DGKD: variants seen among roughly 807,000 people sequenced by gnomAD.
The protein encoded by DGKD is DAG kinase delta.
A neutral mutation model predicts 154.4 loss-of-function variants in DGKD; 68 were observed. The observed-to-expected ratio is 0.44, with a 90% confidence interval of 0.36 to 0.54. The LOEUF is 0.54. DGKD is among the 20% of genes least tolerant of loss of function. DGKD has a pLI of 0.00. For missense variants in DGKD, 1,343 were observed against 1,593.6 expected, an observed-to-expected ratio of 0.84 and a Z score of 2.68; for synonymous variants, 693 against 638.0, an observed-to-expected ratio of 1.09 and a Z score of -1.30.
Position 233,432,532 on chromosome 2 carries a change from G to C in DGKD, c.349-1848G>C, listed in dbSNP as rs188506383. 1.9e-3 allele frequency among the ~76,000 whole-genome samples: 286 copies of C among 152,246 alleles called. 2 individuals are homozygous for C. Among genetic ancestry groups the C allele is most frequent in the Non-Finnish European group, 1.6e-3 (107 of 68,010 alleles). On this transcript the variant is annotated intron_variant, in intron 3 of 29. Coordinates refer to ENST00000264057, the MANE Select transcript of DGKD (RefSeq NM_152879.3). ...AAATTAGCTGGGTGTGGTGGCGGGC[G>C]CCTGTAGTCCCAGCTACTCGGGAGG...
intron 18 of DGKD, chr2:233,454,359 A>G: frequency 2.1e-6 from 1 of 467,180 alleles, no homozygotes; most frequent in Non-Finnish European, 4.4e-6. Context: ...TGAGGAAGAG[A>G]AAGGAGCCAG....
At chr2:233,364,042 A>G (rs55804614) in intron 1 of DGKD, among the ~76,000 whole-genome samples, 17,030 of 152,238 alleles carry the variant, frequency 0.11, 1,087 homozygotes, top group African/African-American at 0.16. Context: ...GTGAGTCGAG[A>G]TCACACCACT....
intron 9 of DGKD, among the ~76,000 whole-genome samples, chr2:233,439,800 G>GC (rs1422119302): frequency 6.6e-6 from 1 of 151,976 alleles, no homozygotes; most frequent in Non-Finnish European, 1.5e-5. Flanking sequence ...TCACTGTGTT[G>GC]TCCAGGTTGG....
intron 3 of DGKD, among the ~76,000 whole-genome samples, chr2:233,391,111 T>C (rs1703576585): frequency 6.6e-6 from 1 of 152,226 alleles, no homozygotes; most frequent in African/African-American, 2.4e-5. Flanking sequence ...CAGACAAGTA[T>C]GTTAAAGCAA....
intron 3 of DGKD, among the ~76,000 whole-genome samples, chr2:233,413,811 G>A (rs1399204670): frequency 6.6e-6 from 1 of 152,188 alleles, no homozygotes; most frequent in Non-Finnish European, 1.5e-5. Flanking sequence ...CCCAGCACTG[G>A]TACACAGACC....
chr2:233,439,494 T>A (rs565819466), intron 9 of DGKD, among the ~76,000 whole-genome samples: 1 of 152,258 alleles, frequency 6.6e-6, no homozygotes, highest in African/African-American at 2.4e-5. Flanking sequence ...ACATTTTCTG[T>A]AGAAAGACTT....
intron 3 of DGKD, among the ~76,000 whole-genome samples, chr2:233,405,169 T>G (rs1255826588): frequency 6.6e-6 from 1 of 152,210 alleles, no homozygotes; most frequent in Non-Finnish European, 1.5e-5. Context: ...TCCTCCAAAG[T>G]TCATGTGTTG....
intron 3 of DGKD, among the ~76,000 whole-genome samples, chr2:233,394,534 G>T (rs1026726162): frequency 1.3e-5 from 2 of 151,850 alleles, no homozygotes; most frequent in African/African-American, 4.8e-5. Context: ...GATCTTTTTC[G>T]CAATGAGTAG....
At chr2:233,464,427 C>A in intron 27 of DGKD, 144 bp downstream of exon 27, 1 of 1,024,210 alleles carries the variant, frequency 9.8e-7, no homozygotes, top group Non-Finnish European at 1.4e-6. Flanking sequence ...CCAGACTTCG[C>A]TATTAAAATG....
Position 233,467,146 on chromosome 2 carries a change from T to C in DGKD, c.3367T>C (p.Phe1123Leu), listed in dbSNP as rs752182598. ...RSGKFRLVTK[F>L]KKEKNNKNKE... The stretch of plus-strand genomic sequence containing the variant: ...TGGTAAATTCCGCCTCGTGACCAAG[T>C]TTAAAAAGGAGAAAAACAACAAGAA... The change falls in exon 28 of 30, where the codon TTT becomes CTT. Residue 1123 changes from phenylalanine (F) to leucine (L), a missense_variant. This residue lies in a region of DGKD where 429 missense variants were observed against 496.3 expected (regional missense o/e 0.86). Coordinates refer to ENST00000264057, the MANE Select transcript of DGKD (RefSeq NM_152879.3). 1.2e-6 allele frequency: 2 copies of C among 1,614,042 alleles called. No homozygotes were observed. Among genetic ancestry groups the C allele is most frequent in the Admixed American group, 3.3e-5 (2 of 59,998 alleles).
chr2:233,453,553 C>T (rs2063355749), intron 18 of DGKD, among the ~76,000 whole-genome samples: 1 of 152,274 alleles, frequency 6.6e-6, no homozygotes, highest in Non-Finnish European at 1.5e-5. Flanking sequence ...GATCTGGCGG[C>T]ACTGGCTCAG....
At chr2:233,387,342 C>G (rs1310947756) in intron 1 of DGKD, among the ~76,000 whole-genome samples, 1 of 152,168 alleles carries the variant, frequency 6.6e-6, no homozygotes, top group Non-Finnish European at 1.5e-5. Flanking sequence ...TGCTGAGGCT[C>G]CTTGTGGACT....
intron 6 of DGKD, 26 bp downstream of exon 6, chr2:233,435,950 G>A (rs2062678224): frequency 6.3e-7 from 1 of 1,577,994 alleles, no homozygotes; most frequent in Non-Finnish European, 8.6e-7. Context: ...CCACCTGTGG[G>A]GCCCTGAGCC....
chr2:233,397,569 GGGACCAGAGTGGCTGGCAGAGGCCAGAGT>G, intron 3 of DGKD, among the ~76,000 whole-genome samples: 1 of 151,402 alleles, frequency 6.6e-6, no homozygotes, highest in African/African-American at 2.4e-5. Flanking sequence ...GACACCAGAG[GGGACCAGAGTGGCTGGCAGAGGCCAGAGT>G]GAGAGGACTC....
At chr2:233,447,462 G>A (rs998692308) in intron 12 of DGKD, 5 of 984,680 alleles carry the variant, frequency 5.1e-6, no homozygotes, top group Admixed American at 1.2e-4. Context: ...ATGTGCCTGG[G>A]CCCACGGCCT....
intron 10 of DGKD, among the ~76,000 whole-genome samples, chr2:233,444,151 C>T (rs1028293817): frequency 1.3e-5 from 2 of 152,168 alleles, no homozygotes; most frequent in African/African-American, 4.8e-5. Context: ...GAGTTTCCAA[C>T]ACTACACCAC....
At position 233,469,649 on chromosome 2, in the gene DGKD, T is replaced by G. The variant is rs1158458358; in HGVS notation, c.*189T>G. On this transcript the variant is annotated 3_prime_UTR_variant, in exon 30 of 30. Coordinates refer to ENST00000264057, the MANE Select transcript of DGKD (RefSeq NM_152879.3). ...TCCGTGACACCGTCCACCAGAGCTCTGGGGTCTCGAACATAACAACACAGC... is the reference window on the plus strand; with the variant it reads ...TCCGTGACACCGTCCACCAGAGCTCGGGGGTCTCGAACATAACAACACAGC... 5.0e-6 allele frequency: 3 copies of G among 595,832 alleles called. No individual in the cohort carries two copies. The East Asian group carries it at 8.3e-5, about 17-fold the overall frequency. 36.9% of individuals were successfully genotyped at this position (595,832 alleles called of 1,614,324 possible).
chr2:233,451,995 C>G lies in DGKD; in HGVS notation c.2199C>G (p.Pro733=). Residue 733 remains proline, a synonymous_variant, in exon 18 of 30, where the codon CCC becomes CCG. Coordinates refer to ENST00000264057, the MANE Select transcript of DGKD (RefSeq NM_152879.3). ...NVRAGMSGSL[P]GGSVISRLLI... ...GGGCTGGAATGTCTGGTTCCTTACC[C>G]GGTGGCTCAGTCATCAGTCGCCTGT... 3 of 1,614,052 alleles carry G rather than the reference C, an allele frequency of 1.9e-6. No homozygotes were observed. The highest frequency in any genetic ancestry group is 1.7e-6 in the Non-Finnish European group (2 of 1,179,936).
rs552174936 is a variant in DGKD at position 233,448,956 on chromosome 2, T to G, written c.1615-147T>G. The stretch of plus-strand genomic sequence containing the variant: ...GGGGATTTGCAAAGGGAGTAGCCTC[T>G]GGTCTTTTTGTTACTTAGGCGTGGA... On this transcript the variant is annotated intron_variant, in intron 14 of 29. Coordinates refer to ENST00000264057, the MANE Select transcript of DGKD (RefSeq NM_152879.3). 3.4e-4 allele frequency: 352 copies of G among 1,033,634 alleles called. 1 individual carries two copies. In the African/African-American group the frequency reaches 4.6e-3, roughly 13 times the overall value. The allele number at this position is 1,033,634 out of a possible 1,614,324, so 64.0% of individuals were successfully genotyped here. A position where few individuals can be genotyped will look rare whatever the true frequency, so the allele number is the denominator to read the frequency against.
Sources: allele counts gnomAD v4.1 joint callset (sites outside exome capture counted in the v4.1 genomes callset), GRCh38; gene constraint gnomAD v4.1.1; regional missense constraint gnomAD v4.1.1; transcripts MANE v1.5; gene names NCBI Gene and HGNC (gene_info 2026-07-23, HGNC 2026-07-21).